The following CDH13 variants were observed in gnomAD, a reference collection of about 807,000 sequenced individuals.
CDH13 encodes cadherin 13.
Under a neutral mutation model 63.8 loss-of-function variants are expected in CDH13, and 24 were observed. The observed-to-expected ratio is 0.38, with a 90% CI of 0.27 to 0.53. The LOEUF is 0.53. Ranked by LOEUF, CDH13 falls within the 20% of genes least tolerant of loss-of-function variation. CDH13 has a pLI of 0.85. For missense variants in CDH13, 1,049 were observed against 903.1 expected (o/e 1.16, Z -2.07); for synonymous variants, 503 against 355.3 (o/e 1.42, Z -4.67).
intron 2 of CDH13, among the ~76,000 whole-genome samples, chr16:82,911,035 G>C (rs1266176148): frequency 6.6e-6 from 1 of 152,180 alleles, no homozygotes; most frequent in Non-Finnish European, 1.5e-5. Flanking sequence ...TACTGCCGCA[G>C]AGTAAGGCAG....
chr16:83,313,811 C>T (rs1390068868), intron 5 of CDH13, among the ~76,000 whole-genome samples: 1 of 152,120 alleles, frequency 6.6e-6, no homozygotes, highest in Non-Finnish European at 1.5e-5. Context: ...AGAACAGTTA[C>T]TTGAAATATG....
chr16:83,773,119 C>G (rs1164957661), intron 11 of CDH13, among the ~76,000 whole-genome samples: 2 of 152,154 alleles, frequency 1.3e-5, no homozygotes, highest in Non-Finnish European at 2.9e-5. Flanking sequence ...GACAGAGACA[C>G]TATTCCTTTC....
chr16:82,939,908 G>A (rs1372408515), intron 2 of CDH13, among the ~76,000 whole-genome samples: 3 of 152,174 alleles, frequency 2.0e-5, no homozygotes, highest in African/African-American at 7.2e-5. Context: ...GGGTAATAAG[G>A]AAAAAGAGGT....
rs992756214 is a variant in CDH13 at position 83,126,197 on chromosome 16, G to A, written c.483+696G>A. Among the ~76,000 whole-genome samples the A allele has an allele frequency of 4.6e-5, 7 of 152,294 alleles. No homozygotes were observed. The East Asian group carries it at 7.7e-4, about 17-fold the overall frequency. On this transcript the variant is annotated intron_variant, in intron 4 of 13. Coordinates refer to ENST00000567109, the MANE Select transcript of CDH13 (RefSeq NM_001257.5). ...CTCAGGAAAAGAGTTTTCTCAGCAA[G>A]GCAATTTACTTCTGCGGAAGGGTGC...
chr16:83,509,277 G>A (rs536076027), intron 7 of CDH13, among the ~76,000 whole-genome samples: 1 of 152,226 alleles, frequency 6.6e-6, no homozygotes. Context: ...GCCATGGCCA[G>A]GGAAGTAACT....
At chr16:83,295,795 T>C (rs372418945) in intron 5 of CDH13, among the ~76,000 whole-genome samples, 1 of 152,160 alleles carries the variant, frequency 6.6e-6, no homozygotes, top group African/African-American at 2.4e-5. Context: ...AACTATCATA[T>C]GATTCAACAA....
chr16:82,868,126 A>G (rs2040215485), intron 2 of CDH13, among the ~76,000 whole-genome samples: 1 of 152,186 alleles, frequency 6.6e-6, no homozygotes, highest in Non-Finnish European at 1.5e-5. Context: ...AGAGCTGGAC[A>G]AGGTTGGGGT....
intron 1 of CDH13, among the ~76,000 whole-genome samples, chr16:82,792,576 C>A (rs778288492): frequency 9.9e-5 from 15 of 152,078 alleles, no homozygotes; most frequent in Non-Finnish European, 1.9e-4. Context: ...CTATAAGGCC[C>A]CCTAGATAGA....
At chr16:83,582,924 T>C (rs148700794) in intron 7 of CDH13, among the ~76,000 whole-genome samples, 100 of 152,294 alleles carry the variant, frequency 6.6e-4, no homozygotes, top group Middle Eastern at 6.8e-3. Flanking sequence ...GTTAACTTCC[T>C]AGGGATCCTG....
chr16:82,704,708 T>A (rs929833990), intron 1 of CDH13, among the ~76,000 whole-genome samples: 1 of 152,182 alleles, frequency 6.6e-6, no homozygotes, highest in East Asian at 1.9e-4. Flanking sequence ...GCTAAGGATA[T>A]GCCGTCAAAT....
chr16:82,975,352 C>T (rs1203611568), intron 2 of CDH13, among the ~76,000 whole-genome samples: 1 of 152,142 alleles, frequency 6.6e-6, no homozygotes, highest in Non-Finnish European at 1.5e-5. Context: ...AAGAGAGGGC[C>T]CCAGACAGTG....
chr16:83,236,858 A>G lies in CDH13; in HGVS notation c.636+19361A>G, dbSNP rs558405163. Among the ~76,000 whole-genome samples, 6 of 152,262 alleles carry G rather than the reference A, an allele frequency of 3.9e-5. No individual in the cohort carries two copies. The East Asian group carries it at 7.8e-4, about 20-fold the overall frequency. On this transcript the variant is annotated intron_variant, in intron 5 of 13. Transcript: ENST00000567109. ...CTTATAGGTCTGGGTTTCCCTTTGA[A>G]GTCATGGAAATGTTTTGGAACTAGA... is the stretch of plus-strand genomic sequence containing the variant.
At chr16:83,275,099 T>C (rs1280326198) in intron 5 of CDH13, among the ~76,000 whole-genome samples, 1 of 152,164 alleles carries the variant, frequency 6.6e-6, no homozygotes, top group African/African-American at 2.4e-5. Context: ...TCCTACTATA[T>C]TCCCATTTCC....
intron 7 of CDH13, among the ~76,000 whole-genome samples, chr16:83,557,086 G>C (rs1361956749): frequency 6.6e-6 from 1 of 152,198 alleles, no homozygotes; most frequent in African/African-American, 2.4e-5. Context: ...TACTTCCTGA[G>C]CTCCTCCTCC....
At chr16:83,665,481 T>A (rs1598436105) in intron 8 of CDH13, among the ~76,000 whole-genome samples, 1 of 152,244 alleles carries the variant, frequency 6.6e-6, no homozygotes, top group East Asian at 1.9e-4. Flanking sequence ...CTGTATCTTT[T>A]ATGTAAACAT....
intron 3 of CDH13, among the ~76,000 whole-genome samples, chr16:83,120,172 T>G (rs4395063): frequency 5.9e-5 from 9 of 151,930 alleles, no homozygotes; most frequent in Admixed American, 5.2e-4. Flanking sequence ...GAATCAGAGC[T>G]TCCTGCTTCT....
intron 2 of CDH13, among the ~76,000 whole-genome samples, chr16:82,877,873 C>G (rs1007314199): frequency 6.7e-6 from 1 of 149,796 alleles, no homozygotes; most frequent in Non-Finnish European, 1.5e-5. Flanking sequence ...GACTCAAACC[C>G]TGTCATGATT....
At chr16:82,973,731 C>T (rs1251204755) in intron 2 of CDH13, among the ~76,000 whole-genome samples, 2 of 152,188 alleles carry the variant, frequency 1.3e-5, no homozygotes, top group Non-Finnish European at 2.9e-5. Flanking sequence ...TTTTATTCTT[C>T]TATCCCATGA....
chr16:83,615,018 C>T (rs1262815327), intron 8 of CDH13, among the ~76,000 whole-genome samples: 2 of 152,174 alleles, frequency 1.3e-5, no homozygotes, highest in Non-Finnish European at 2.9e-5. Flanking sequence ...TGAATATCTA[C>T]AGTTCCCTTA....
Sources: allele counts gnomAD v4.1 joint callset (sites outside exome capture counted in the v4.1 genomes callset), GRCh38; gene constraint gnomAD v4.1.1; transcripts MANE v1.5; gene names NCBI Gene and HGNC (gene_info 2026-07-23, HGNC 2026-07-21).